DNAH9: variants seen among roughly 807,000 people sequenced by gnomAD.
DNAH9 encodes the protein DNAH9 variant protein.
In DNAH9, 345 loss-of-function variants were observed where a neutral mutation model predicts 471.6. The observed-to-expected ratio is 0.73, with a 90% CI of 0.67 to 0.80. DNAH9 has a LOEUF of 0.80. Ranked by LOEUF, DNAH9 falls within the 30% of genes least tolerant of loss-of-function variation. DNAH9 has a pLI of 0.00. For missense variants in DNAH9, 5,407 were observed against 5,609.2 expected, an observed-to-expected ratio of 0.96 and a Z score of 1.15; for synonymous variants, 2,093 against 2,123.6, an observed-to-expected ratio of 0.99 and a Z score of 0.40.
At chr17:11,810,971 T>A (rs932818088) in intron 45 of DNAH9, among the ~76,000 whole-genome samples, 2 of 152,184 alleles carry the variant, frequency 1.3e-5, no homozygotes, top group African/African-American at 4.8e-5. Context: ...GCTCAATGCT[T>A]GCTATTGCTA....
intron 1 of DNAH9, 68 bp downstream of exon 1, chr17:11,598,983 A>G: frequency 1.2e-6 from 1 of 808,184 alleles, no homozygotes; most frequent in Non-Finnish European, 1.6e-6. Context: ...GCCTTAAGGG[A>G]CGGAGGCGGG....
At chr17:11,638,291 TAC>T (rs1490430929) in intron 9 of DNAH9, among the ~76,000 whole-genome samples, 1 of 152,176 alleles carries the variant, frequency 6.6e-6, no homozygotes, top group Non-Finnish European at 1.5e-5. Flanking sequence ...TACGGTCAGA[TAC>T]AGAGTTTGAA....
At chr17:11,680,112 G>A (rs2074109652) in intron 18 of DNAH9, 133 bp downstream of exon 18, 9 of 686,542 alleles carry the variant, frequency 1.3e-5, no homozygotes, top group South Asian at 3.9e-5. Context: ...GAACTATAAT[G>A]TGTAGCGTAT....
intron 28 of DNAH9, among the ~76,000 whole-genome samples, chr17:11,730,121 T>C (rs2075233595): frequency 6.6e-6 from 1 of 152,190 alleles, no homozygotes; most frequent in Admixed American, 6.5e-5. Context: ...ATATGGTTTT[T>C]CCCTTTTTTT....
intron 38 of DNAH9, among the ~76,000 whole-genome samples, chr17:11,771,596 C>T (rs1477637157): frequency 6.6e-6 from 1 of 152,216 alleles, no homozygotes; most frequent in Non-Finnish European, 1.5e-5. Flanking sequence ...CAGCACCTGG[C>T]AGTGGCCTTA....
At chr17:11,848,730 G>A (rs189412630) in intron 49 of DNAH9, among the ~76,000 whole-genome samples, 1 of 152,192 alleles carries the variant, frequency 6.6e-6, no homozygotes, top group East Asian at 1.9e-4. Flanking sequence ...TAAATTCTGG[G>A]AAATGACTTA....
chr17:11,925,250 A>G (rs777084287), intron 62 of DNAH9: 4 of 445,426 alleles, frequency 9.0e-6, no homozygotes, highest in South Asian at 6.5e-5. Flanking sequence ...GGGTCAAGGA[A>G]TCCATGAAGA....
intron 1 of DNAH9, among the ~76,000 whole-genome samples, chr17:11,606,506 T>C (rs1241054100): frequency 7.7e-6 from 1 of 130,568 alleles, no homozygotes; most frequent in East Asian, 2.5e-4. Context: ...TGGAATGCAG[T>C]GGTGCAATCT....
chr17:11,633,383 T>A (rs76634129), intron 8 of DNAH9, among the ~76,000 whole-genome samples: 28,703 of 152,058 alleles, frequency 0.19, 3,539 homozygotes, highest in Non-Finnish European at 0.27. Flanking sequence ...GTCAAAGCTG[T>A]TTAAGATGGA....
At position 11,969,433 on chromosome 17, in the gene DNAH9, G is replaced by A. The variant is rs536128098; in HGVS notation, c.13367G>A (p.Arg4456Gln). The A allele has an allele frequency of 6.8e-6, 11 of 1,613,898 alleles. No homozygotes were observed. Among genetic ancestry groups the A allele is most frequent in the Admixed American group, 3.3e-5 (2 of 60,000 alleles). Residue 4456 changes from arginine to glutamine, a missense_variant, in exon 69 of 69, where the codon CGG (arginine) becomes CAG (glutamine). Around this residue, in one of 3 missense-constraint regions of DNAH9, gnomAD observed 4,636 missense variants for 4,900.3 expected, o/e 0.95. Transcript: ENST00000262442. Reference protein sequence around the residue: ...YSCPVYKTSQRGPTYVWTFNL... With the variant: ...YSCPVYKTSQQGPTYVWTFNL... ...TGTCCTGTGTACAAGACTAGTCAGC[G>A]GGGACCCACCTACGTGTGGACTTTC...
chr17:11,925,244 CAAGG>C (rs1273964281), intron 62 of DNAH9: 2 of 448,454 alleles, frequency 4.5e-6, no homozygotes, highest in African/African-American at 4.0e-5. Context: ...GCCGGTGGGT[CAAGG>C]AATCCATGAA....
At chr17:11,675,222 G>A (rs1314269043) in intron 17 of DNAH9, among the ~76,000 whole-genome samples, 1 of 151,936 alleles carries the variant, frequency 6.6e-6, no homozygotes, top group Admixed American at 6.6e-5. Flanking sequence ...TCAGTTCGTA[G>A]TATAAATAAT....
At position 11,701,252 on chromosome 17, in the gene DNAH9, T is replaced by C. The variant is rs2074589547; in HGVS notation, c.5151+5T>C. Reference sequence around the variant, plus strand: ...CTTTTTGACCACCCAGCTCAGGTATTCTCCTAATGGGATCCCCATCCTCCA... The same window carrying C: ...CTTTTTGACCACCCAGCTCAGGTATCCTCCTAATGGGATCCCCATCCTCCA... On this transcript the variant is annotated splice_donor_5th_base_variant and intron_variant, in intron 24 of 68. Coordinates refer to ENST00000262442, the MANE Select transcript of DNAH9 (RefSeq NM_001372.4). The C allele has an allele frequency of 6.2e-7, 1 of 1,612,710 alleles. No homozygotes were observed. Among genetic ancestry groups the C allele is most frequent in the African/African-American group, 1.3e-5 (1 of 74,856 alleles).
intron 59 of DNAH9, among the ~76,000 whole-genome samples, chr17:11,897,350 T>G (rs1973254193): frequency 6.6e-6 from 1 of 152,136 alleles, no homozygotes; most frequent in Non-Finnish European, 1.5e-5. Context: ...TCTTTAGAAG[T>G]TTTCCAATTA....
At chr17:11,778,564 G>A (rs973229179) in intron 38 of DNAH9, among the ~76,000 whole-genome samples, 4 of 152,060 alleles carry the variant, frequency 2.6e-5, no homozygotes, top group South Asian at 2.1e-4. Flanking sequence ...CTTGTCTGCC[G>A]TTTTGAGAAT....
chr17:11,919,505 G>GAAAA (rs1221694573), intron 61 of DNAH9, among the ~76,000 whole-genome samples: 1 of 100,296 alleles, frequency 1.0e-5, no homozygotes, highest in Non-Finnish European at 2.1e-5. Flanking sequence ...AAAAAAAAAA[G>GAAAA]AAAAAAAAAA....
Position 11,807,789 on chromosome 17 carries a change from A to G in DNAH9, c.8478A>G (p.Val2826=). The G allele has an allele frequency of 1.2e-6, 2 of 1,614,082 alleles. No homozygotes were observed. Among genetic ancestry groups the G allele is most frequent in the Non-Finnish European group, 1.7e-6 (2 of 1,179,966 alleles). The stretch of plus-strand genomic sequence containing the variant: ...GGGGAAATGCTCTGCTGGTTGGTGT[A>G]GGTGGGAGCGGCAAGCAGAGCCTGA... The part of the protein sequence containing the change: ...SPRGNALLVG[V]GGSGKQSLTR... The change falls in exon 44 of 69, where the codon GTA becomes GTG. Residue 2826 remains valine, a synonymous_variant. Coordinates refer to ENST00000262442, the MANE Select transcript of DNAH9 (RefSeq NM_001372.4).
At chr17:11,712,432 T>C (rs915916171) in intron 26 of DNAH9, among the ~76,000 whole-genome samples, 1 of 151,982 alleles carries the variant, frequency 6.6e-6, no homozygotes, top group Non-Finnish European at 1.5e-5. Context: ...TCATTGCTCT[T>C]AAGTGAATAC....
chr17:11,870,900 G>A (rs766405830), intron 51 of DNAH9, among the ~76,000 whole-genome samples: 45 of 152,178 alleles, frequency 3.0e-4, no homozygotes, highest in Admixed American at 6.5e-4. Flanking sequence ...GCATGTGAAT[G>A]ACTGGGTTGG....
Sources: gnomAD v4.1 joint callset for allele counts (sites outside exome capture counted in the v4.1 genomes callset) on GRCh38, gnomAD v4.1.1 for gene constraint, gnomAD v4.1.1 regional missense constraint, MANE v1.5 for transcripts, NCBI Gene and HGNC (gene_info 2026-07-23, HGNC 2026-07-21) for gene names.